Variants in KCND2 observed in about 807,000 individuals in gnomAD.
KCND2 encodes the protein potassium voltage-gated channel subfamily D member 2.
KCND2 carries 16 observed loss-of-function variants against 54.4 expected under a neutral mutation model. The observed-to-expected ratio is 0.29, with a 90% confidence interval of 0.20 to 0.45. KCND2 has a LOEUF of 0.45. Ranked by LOEUF, KCND2 falls within the 20% of genes least tolerant of loss-of-function variation. The pLI, the probability that KCND2 is intolerant of heterozygous loss-of-function variation, is 1.00. For missense variants in KCND2, 486 were observed against 824.2 expected, an observed-to-expected ratio of 0.59 and a Z score of 5.02; for synonymous variants, 317 against 310.7, an observed-to-expected ratio of 1.02 and a Z score of -0.21.
At chr7:120,574,875 A>AT (rs565768631) in intron 1 of KCND2, among the ~76,000 whole-genome samples, 13 of 151,998 alleles carry the variant, frequency 8.6e-5, no homozygotes, top group Non-Finnish European at 1.8e-4. Context: ...TTTTACAGCT[A>AT]TTTTTTTCTA....
intron 1 of KCND2, among the ~76,000 whole-genome samples, chr7:120,410,532 A>C (rs148484111): frequency 3.3e-5 from 5 of 151,854 alleles, no homozygotes; most frequent in African/African-American, 1.2e-4. Flanking sequence ...CTCTACATTT[A>C]TTTATGTCTT....
rs185572950 is a variant in KCND2 at position 120,620,117 on chromosome 7, A to T, written c.1116-112786A>T. On this transcript the variant is annotated intron_variant, in intron 1 of 5. Coordinates refer to ENST00000331113, the MANE Select transcript of KCND2 (RefSeq NM_012281.3). The stretch of plus-strand genomic sequence containing the variant: ...TAAGAATAATTTTGTAAGTACAAAA[A>T]TAAGTCCACTAATTATGAAAAGTAA... Among the ~76,000 whole-genome samples the T allele has an allele frequency of 1.2e-3, 176 of 152,338 alleles. 5 individuals are homozygous for T. The highest frequency in any genetic ancestry group is 8.8e-3 in the Admixed American group (135 of 15,306).
chr7:120,509,534 G>C lies in KCND2; in HGVS notation c.1116-223369G>C, dbSNP rs140826375. ...GTTGAATTGCCATTTAAATTTACTA[G>C]CTTCACAGAGCTCAAGTTTCTTACT... is the stretch of plus-strand genomic sequence containing the variant. On this transcript the variant is annotated intron_variant, in intron 1 of 5. Coordinates refer to ENST00000331113, the MANE Select transcript of KCND2 (RefSeq NM_012281.3). Among the ~76,000 whole-genome samples the C allele has an allele frequency of 5.2e-3, 785 of 152,152 alleles. 4 individuals carry two copies. The highest frequency in any genetic ancestry group is 0.017 in the African/African-American group (724 of 41,550).
chr7:120,598,388 G>C (rs1168960433), intron 1 of KCND2, among the ~76,000 whole-genome samples: 1 of 152,054 alleles, frequency 6.6e-6, no homozygotes, highest in Non-Finnish European at 1.5e-5. Context: ...GAAGAAACAT[G>C]GTTTATGTAG....
At chr7:120,403,378 G>A (rs1801294935) in intron 1 of KCND2, among the ~76,000 whole-genome samples, 1 of 151,008 alleles carries the variant, frequency 6.6e-6, no homozygotes, top group South Asian at 2.1e-4. Flanking sequence ...GTAAAGTGGT[G>A]CGATCATGGC....
At chr7:120,463,037 A>G (rs986714595) in intron 1 of KCND2, among the ~76,000 whole-genome samples, 1 of 152,098 alleles carries the variant, frequency 6.6e-6, no homozygotes, top group African/African-American at 2.4e-5. Flanking sequence ...CTCAAAGCGT[A>G]GTATAACATA....
intron 1 of KCND2, among the ~76,000 whole-genome samples, chr7:120,626,170 T>C (rs1326842623): frequency 6.6e-6 from 1 of 152,134 alleles, no homozygotes; most frequent in African/African-American, 2.4e-5. Context: ...AAATACATAG[T>C]TTGTAAATTT....
At chr7:120,421,293 T>A (rs753358561) in intron 1 of KCND2, among the ~76,000 whole-genome samples, 1 of 152,186 alleles carries the variant, frequency 6.6e-6, no homozygotes, top group South Asian at 2.1e-4. Context: ...TGTAGATAAC[T>A]ACCTCTTCTC....
intron 1 of KCND2, among the ~76,000 whole-genome samples, chr7:120,698,261 C>T (rs1792357556): frequency 1.3e-5 from 2 of 152,134 alleles, no homozygotes; most frequent in African/African-American, 4.8e-5. Context: ...CCTTTTAATA[C>T]ATTTGGAGAC....
intron 1 of KCND2, among the ~76,000 whole-genome samples, chr7:120,354,248 T>C (rs1016764547): frequency 1.3e-5 from 2 of 152,014 alleles, no homozygotes; most frequent in Non-Finnish European, 1.5e-5. Context: ...CTACTACAGG[T>C]TTTGCAACTT....
At chr7:120,367,023 G>A (rs537626510) in intron 1 of KCND2, among the ~76,000 whole-genome samples, 84 of 152,202 alleles carry the variant, frequency 5.5e-4, no homozygotes, top group African/African-American at 1.9e-3. Context: ...AACCACAGGC[G>A]TAGTTACAGT....
intron 1 of KCND2, among the ~76,000 whole-genome samples, chr7:120,548,648 A>T (rs1017281526): frequency 6.6e-6 from 1 of 152,186 alleles, no homozygotes; most frequent in Non-Finnish European, 1.5e-5. Flanking sequence ...CATATTTGTC[A>T]AATGAATGAA....
chr7:120,735,005 A>G (rs1366000512), intron 2 of KCND2, among the ~76,000 whole-genome samples: 1 of 152,106 alleles, frequency 6.6e-6, no homozygotes, highest in Admixed American at 6.6e-5. Flanking sequence ...CAGAGAACTA[A>G]TTTATGCCCA....
intron 1 of KCND2, among the ~76,000 whole-genome samples, chr7:120,490,672 A>G (rs1562853610): frequency 6.6e-6 from 1 of 152,092 alleles, no homozygotes; most frequent in Non-Finnish European, 1.5e-5. Flanking sequence ...AGTGATATTC[A>G]TGGCATACCT....
chr7:120,685,021 A>C (rs1454116348), intron 1 of KCND2, among the ~76,000 whole-genome samples: 1 of 152,242 alleles, frequency 6.6e-6, no homozygotes, highest in East Asian at 1.9e-4. Context: ...CAATAGAAAT[A>C]AAACACACAA....
chr7:120,289,566 T>C (rs1202178338), intron 1 of KCND2, among the ~76,000 whole-genome samples: 2 of 152,078 alleles, frequency 1.3e-5, no homozygotes, highest in Non-Finnish European at 2.9e-5. Context: ...CTCATGTCCC[T>C]TTTCAGGTAT....
At chr7:120,584,555 C>G (rs1416358343) in intron 1 of KCND2, among the ~76,000 whole-genome samples, 1 of 152,222 alleles carries the variant, frequency 6.6e-6, no homozygotes, top group East Asian at 1.9e-4. Flanking sequence ...ACATGGGGAG[C>G]ATTATAAAGG....
chr7:120,309,452 CAT>C (rs61690032), intron 1 of KCND2, among the ~76,000 whole-genome samples: 5,116 of 68,242 alleles, frequency 0.075, 306 homozygotes, highest in African/African-American at 0.14. Flanking sequence ...TAATAGAAAA[CAT>C]ATATATATAT....
chr7:120,387,841 A>T (rs1801012143), intron 1 of KCND2, among the ~76,000 whole-genome samples: 2 of 152,004 alleles, frequency 1.3e-5, no homozygotes, highest in African/African-American at 4.8e-5. Context: ...TTAGTATTTT[A>T]AAAAATATAT....
Sources: gnomAD v4.1 joint callset for allele counts (sites outside exome capture counted in the v4.1 genomes callset) on GRCh38, gnomAD v4.1.1 for gene constraint, MANE v1.5 for transcripts, NCBI Gene and HGNC (gene_info 2026-07-23, HGNC 2026-07-21) for gene names.